Variants in ITPR1 observed in about 807,000 individuals in gnomAD.
ITPR1 encodes inositol 1,4,5-trisphosphate-gated calcium channel ITPR1.
Under a neutral mutation model 318.4 loss-of-function variants are expected in ITPR1, and 96 were observed. The ratio of observed to expected loss-of-function variants is 0.30; its 90% confidence interval spans 0.26 to 0.36. The LOEUF (loss-of-function observed/expected upper bound fraction) is 0.36, where lower values mean the gene tolerates loss of function less well. Ranked by LOEUF, ITPR1 falls within the 10% of genes least tolerant of loss-of-function variation. The pLI is 1.00. For missense variants in ITPR1, 2,440 were observed against 3,460.2 expected (o/e 0.71, Z 7.40); for synonymous variants, 1,312 against 1,289.9 (o/e 1.02, Z -0.37).
chr3:4,734,378 C>T (rs532552780), intron 43 of ITPR1, among the ~76,000 whole-genome samples: 1 of 108,230 alleles, frequency 9.2e-6, no homozygotes, highest in South Asian at 2.6e-4. Context: ...CAATTTCTAC[C>T]TTGTGCTATA....
chr3:4,509,376 A>G, intron 2 of ITPR1, among the ~76,000 whole-genome samples: 1 of 152,230 alleles, frequency 6.6e-6, no homozygotes, highest in East Asian at 1.9e-4. Context: ...CAGGGATAAA[A>G]GTTAGATATT....
intron 46 of ITPR1, among the ~76,000 whole-genome samples, chr3:4,771,559 T>A (rs1575189589): frequency 1.3e-5 from 2 of 152,238 alleles, no homozygotes; most frequent in East Asian, 3.9e-4. Context: ...TTGGAAGTCT[T>A]CAGATTTTTA....
Position 4,691,245 on chromosome 3 carries a change from G to C in ITPR1, c.3930G>C (p.Glu1310Asp). Reference sequence around the variant, plus strand: ...TTCAGCACTTCGTTCACTGCATAGAGACTCACGGTCGGAATGTCCAGTATA... The same window carrying C: ...TTCAGCACTTCGTTCACTGCATAGACACTCACGGTCGGAATGTCCAGTATA... ...RVVQHFVHCI[E>D]THGRNVQYIK... The change falls in exon 32 of 62, where the codon GAG becomes GAC. Residue 1310 changes from glutamate (E) to aspartate (D), a missense_variant. Coordinates refer to ENST00000649015, the MANE Select transcript of ITPR1 (RefSeq NM_001378452.1). 1.2e-6 allele frequency: 2 copies of C among 1,613,006 alleles called. No individual in the cohort carries two copies. The highest frequency in any genetic ancestry group is 1.7e-6 in the Non-Finnish European group (2 of 1,179,098).
chr3:4,761,176 G>A (rs932786544), intron 44 of ITPR1, among the ~76,000 whole-genome samples: 1 of 152,046 alleles, frequency 6.6e-6, no homozygotes, highest in Non-Finnish European at 1.5e-5. Context: ...AAATGTGCAG[G>A]TTTGTTACCT....
intron 44 of ITPR1, among the ~76,000 whole-genome samples, chr3:4,762,943 GC>G (rs1461514454): frequency 1.3e-5 from 2 of 152,084 alleles, no homozygotes; most frequent in African/African-American, 4.8e-5. Context: ...CAACCCAAAC[GC>G]CCATCAATGA....
chr3:4,586,366 G>C (rs544923260), intron 4 of ITPR1, among the ~76,000 whole-genome samples: 2 of 152,320 alleles, frequency 1.3e-5, no homozygotes, highest in Admixed American at 6.5e-5. Context: ...CTGAGGCTTA[G>C]AGGATTAACA....
intron 2 of ITPR1, among the ~76,000 whole-genome samples, chr3:4,496,315 A>ATGTGTGTGTGTGTGTG (rs61120521): frequency 4.0e-5 from 6 of 151,154 alleles, no homozygotes; most frequent in African/African-American, 1.5e-4. Flanking sequence ...TTTCAAGTTC[A>ATGTGTGTGTGTGTGTG]TGTGTGTGTG....
At chr3:4,567,089 C>T (rs554844365) in intron 4 of ITPR1, among the ~76,000 whole-genome samples, 22 of 152,234 alleles carry the variant, frequency 1.4e-4, no homozygotes, top group African/African-American at 4.6e-4. Context: ...GATAATAATA[C>T]CTATTTCAGT....
intron 4 of ITPR1, among the ~76,000 whole-genome samples, chr3:4,535,921 A>G (rs777358651): frequency 1.3e-5 from 2 of 152,178 alleles, no homozygotes; most frequent in African/African-American, 2.4e-5. Context: ...TATGAAGATT[A>G]TGTAAAATTT....
At chr3:4,745,796 C>T (rs952480620) in intron 44 of ITPR1, among the ~76,000 whole-genome samples, 5 of 152,156 alleles carry the variant, frequency 3.3e-5, no homozygotes, top group African/African-American at 9.7e-5. Flanking sequence ...GTTAGCAGGA[C>T]CCCATGACAC....
rs34078002 is a variant in ITPR1 at position 4,504,963 on chromosome 3, C to CT, written c.-17+10470dup. On this transcript the variant is annotated intron_variant, in intron 2 of 61. Transcript: ENST00000649015. ...CCTCTTCCTTTTTCTGGGCATACTC[C>CT]TTTTTTTTTTTTTCCTGTGAAAGAC... Among the ~76,000 whole-genome samples the CT allele has an allele frequency of 4.3e-3, 622 of 145,710 alleles. 8 individuals are homozygous for CT. The East Asian group carries it at 0.046, about 11-fold the overall frequency.
At chr3:4,501,881 A>G (rs1445625423) in intron 2 of ITPR1, among the ~76,000 whole-genome samples, 1 of 152,196 alleles carries the variant, frequency 6.6e-6, no homozygotes, top group African/African-American at 2.4e-5. Flanking sequence ...CTTATGTTTT[A>G]TCATACTTTC....
chr3:4,568,380 C>T (rs574058019), intron 4 of ITPR1, among the ~76,000 whole-genome samples: 3 of 152,218 alleles, frequency 2.0e-5, no homozygotes, highest in Non-Finnish European at 2.9e-5. Flanking sequence ...CTTTGCTGAA[C>T]ACCTATTATG....
chr3:4,838,889 C>T lies in ITPR1; in HGVS notation c.8190+1954C>T, dbSNP rs1483504588. Among the ~76,000 whole-genome samples the T allele has an allele frequency of 7.2e-5, 11 of 152,322 alleles. No individual in the cohort carries two copies. In the East Asian group the frequency reaches 2.1e-3, roughly 29 times the overall value. On this transcript the variant is annotated intron_variant, in intron 61 of 61. Coordinates refer to ENST00000649015, the MANE Select transcript of ITPR1 (RefSeq NM_001378452.1). ...TGGTGGTAAAACCAGGCAACGCCTC[C>T]CTACACTATCTGTCCTTTCAGAGCT...
intron 2 of ITPR1, among the ~76,000 whole-genome samples, chr3:4,514,001 C>T (rs765789098): frequency 4.6e-5 from 7 of 151,938 alleles, no homozygotes; most frequent in South Asian, 2.1e-4. Flanking sequence ...GCGGGAGAAT[C>T]GCTTGAACCT....
chr3:4,670,967 A>G, intron 20 of ITPR1, 41 bp downstream of exon 20: 1 of 1,373,264 alleles, frequency 7.3e-7, no homozygotes, highest in Non-Finnish European at 9.7e-7. Context: ...GGGTGCCCCA[A>G]AACAGTGGCA....
At chr3:4,576,623 C>T (rs950484594) in intron 4 of ITPR1, among the ~76,000 whole-genome samples, 2 of 152,192 alleles carry the variant, frequency 1.3e-5, no homozygotes, top group African/African-American at 4.8e-5. Context: ...TAGCGTTGGA[C>T]GGACTGATGG....
chr3:4,819,721 G>T (rs2049557575), intron 60 of ITPR1, among the ~76,000 whole-genome samples: 1 of 152,182 alleles, frequency 6.6e-6, no homozygotes, highest in Admixed American at 6.5e-5. Context: ...GGGAGAGATG[G>T]ATGGAGGTTC....
At chr3:4,567,996 T>C (rs914377482) in intron 4 of ITPR1, among the ~76,000 whole-genome samples, 19 of 39,348 alleles carry the variant, frequency 4.8e-4, no homozygotes, top group African/African-American at 1.2e-3. Flanking sequence ...TGCTGCTCAG[T>C]AGATTATTTA....
Sources: allele counts gnomAD v4.1 joint callset (sites outside exome capture counted in the v4.1 genomes callset), GRCh38; gene constraint gnomAD v4.1.1; transcripts MANE v1.5; gene names NCBI Gene and HGNC (gene_info 2026-07-23, HGNC 2026-07-21).